ST6GALNAC5: variants seen among roughly 807,000 people sequenced by gnomAD.
ST6GALNAC5 encodes the protein ST6 N-acetylgalactosaminide alpha-2,6-sialyltransferase 5, also known as alpha-N-acetylgalactosaminide alpha-2,6-sialyltransferase 5.
In ST6GALNAC5, 27 loss-of-function variants were observed where a neutral mutation model predicts 33.6. That is an observed-to-expected ratio of 0.80 (90% CI 0.59 to 1.11). The LOEUF is 1.11. Ranked by LOEUF, ST6GALNAC5 falls within the 50% of genes least tolerant of loss-of-function variation. The pLI, the probability that ST6GALNAC5 is intolerant of heterozygous loss-of-function variation, is 0.00. For synonymous variants in ST6GALNAC5, 194 were observed against 171.2 expected (o/e 1.13, Z -1.04); for missense variants, 428 against 454.0 (o/e 0.94, Z 0.52).
At chr1:76,958,950 G>C (rs767098306) in intron 2 of ST6GALNAC5, among the ~76,000 whole-genome samples, 1 of 151,992 alleles carries the variant, frequency 6.6e-6, no homozygotes, top group Non-Finnish European at 1.5e-5. Flanking sequence ...TTTTCTTACC[G>C]GGAATGATTT....
In ST6GALNAC5 at chr1:76,989,202, C is replaced by T. The variant is rs191945925; in HGVS notation, c.262-55002C>T. 1.0e-3 allele frequency among the ~76,000 whole-genome samples: 152 copies of T among 152,210 alleles called. 1 individual carries two copies. Among genetic ancestry groups the T allele is most frequent in the African/African-American group, 3.6e-3 (151 of 41,568 alleles). On this transcript the variant is annotated intron_variant, in intron 2 of 4. Transcript: ENST00000477717. ...ATTCTATCACACCAACTTTGCCATTCTCAACCTCTGTGAATCTCCTGTGAT... is the reference window on the plus strand; with the variant it reads ...ATTCTATCACACCAACTTTGCCATTTTCAACCTCTGTGAATCTCCTGTGAT...
In ST6GALNAC5 at chr1:77,058,439, C is replaced by A. The variant is rs903600870; in HGVS notation, c.780-4536C>A. Reference sequence around the variant, plus strand: ...GGCGGGGCATGAGTGAGTTCTCACTCTATTTGCCCCCAACAGAGCTAGTTG... The same window carrying A: ...GGCGGGGCATGAGTGAGTTCTCACTATATTTGCCCCCAACAGAGCTAGTTG... On this transcript the variant is annotated intron_variant, in intron 4 of 4. Coordinates refer to ENST00000477717, the MANE Select transcript of ST6GALNAC5 (RefSeq NM_030965.3). Among the ~76,000 whole-genome samples, 43 of 152,286 alleles carry A rather than the reference C, an allele frequency of 2.8e-4. 1 individual carries two copies. The highest frequency in any genetic ancestry group is 5.8e-4 in the East Asian group (3 of 5,148).
chr1:76,942,708 T>C (rs1416912404), intron 2 of ST6GALNAC5, among the ~76,000 whole-genome samples: 3 of 152,088 alleles, frequency 2.0e-5, no homozygotes, highest in Non-Finnish European at 2.9e-5. Context: ...TCTCCCAGGC[T>C]GAATTAGATA....
chr1:76,953,705 C>A (rs1200166212), intron 2 of ST6GALNAC5, among the ~76,000 whole-genome samples: 1 of 152,046 alleles, frequency 6.6e-6, no homozygotes, highest in Non-Finnish European at 1.5e-5. Context: ...TTTTTGGTGT[C>A]ATGTCTAAGA....
rs548971704 is a variant in ST6GALNAC5, at chr1:76,879,241, C to A, written c.261+10499C>A. Among the ~76,000 whole-genome samples the A allele has an allele frequency of 2.0e-5, 3 of 152,278 alleles. No individual in the cohort carries two copies. In the South Asian group the frequency reaches 6.2e-4, roughly 32 times the overall value. On this transcript the variant is annotated intron_variant, in intron 2 of 4. Coordinates refer to ENST00000477717, the MANE Select transcript of ST6GALNAC5 (RefSeq NM_030965.3). ...TTCCTCTACATTAAACCAGGGGAGA[C>A]CAGGCATTTCCAGCTCACTCACAGT... is the stretch of plus-strand genomic sequence containing the variant.
At chr1:76,895,463 T>G (rs1309825141) in intron 2 of ST6GALNAC5, among the ~76,000 whole-genome samples, 1 of 152,130 alleles carries the variant, frequency 6.6e-6, no homozygotes, top group Non-Finnish European at 1.5e-5. Flanking sequence ...GAATTATTGG[T>G]GATGGCCTGG....
At chr1:76,925,737 A>G (rs145902068) in intron 2 of ST6GALNAC5, among the ~76,000 whole-genome samples, 1 of 152,296 alleles carries the variant, frequency 6.6e-6, no homozygotes, top group East Asian at 1.9e-4. Context: ...ATTAGTAAAT[A>G]TAAACATTTC....
At chr1:76,923,318 A>G (rs1192562992) in intron 2 of ST6GALNAC5, among the ~76,000 whole-genome samples, 2 of 151,694 alleles carry the variant, frequency 1.3e-5, no homozygotes, top group African/African-American at 4.8e-5. Flanking sequence ...TCAGGAACAG[A>G]GAATGGAGAC....
At position 76,992,000 on chromosome 1, in the gene ST6GALNAC5, T is replaced by G. The variant is rs542590795; in HGVS notation, c.262-52204T>G. 6.6e-5 allele frequency among the ~76,000 whole-genome samples: 10 copies of G among 152,312 alleles called. No individual in the cohort carries two copies. The South Asian group carries it at 2.1e-3, about 32-fold the overall frequency. On this transcript the variant is annotated intron_variant, in intron 2 of 4. Coordinates refer to ENST00000477717, the MANE Select transcript of ST6GALNAC5 (RefSeq NM_030965.3). ...AGAAATAAGTAAATATTTTTAAAAT[T>G]TCTTCAGTGTTTTCTACAATGAAAA...
intron 2 of ST6GALNAC5, among the ~76,000 whole-genome samples, chr1:76,909,075 A>T (rs1646888796): frequency 6.6e-6 from 1 of 152,152 alleles, no homozygotes; most frequent in Non-Finnish European, 1.5e-5. Flanking sequence ...GTTTCACAGT[A>T]AAAACTCTTC....
intron 2 of ST6GALNAC5, among the ~76,000 whole-genome samples, chr1:76,967,395 A>T (rs1340291648): frequency 2.6e-5 from 4 of 151,526 alleles, no homozygotes; most frequent in Non-Finnish European, 4.4e-5. Flanking sequence ...AGAGGTGTTC[A>T]TAGTATTCTT....
At chr1:76,885,007 A>G (rs768371738) in intron 2 of ST6GALNAC5, among the ~76,000 whole-genome samples, 1 of 152,178 alleles carries the variant, frequency 6.6e-6, no homozygotes. Context: ...GTAAAAGACC[A>G]TTCTTAGTAC....
intron 2 of ST6GALNAC5, among the ~76,000 whole-genome samples, chr1:76,991,723 CAT>C (rs1649736866): frequency 1.3e-5 from 2 of 152,104 alleles, no homozygotes; most frequent in African/African-American, 4.8e-5. Flanking sequence ...GCCCACAGAA[CAT>C]AGCTGCCAAC....
chr1:76,981,552 G>T (rs1011591339), intron 2 of ST6GALNAC5, among the ~76,000 whole-genome samples: 1 of 152,184 alleles, frequency 6.6e-6, no homozygotes, highest in Admixed American at 6.5e-5. Flanking sequence ...CCACCTCTGT[G>T]GGCAGGGCAT....
At chr1:77,035,611 G>A (rs761425380) in intron 2 of ST6GALNAC5, among the ~76,000 whole-genome samples, 13 of 152,106 alleles carry the variant, frequency 8.5e-5, no homozygotes, top group Non-Finnish European at 1.3e-4. Context: ...TAGGGTGGAG[G>A]GTGGGGCATA....
At chr1:76,886,305 C>CT (rs758019086) in intron 2 of ST6GALNAC5, among the ~76,000 whole-genome samples, 27 of 151,656 alleles carry the variant, frequency 1.8e-4, no homozygotes, top group Non-Finnish European at 3.2e-4. Flanking sequence ...TTCTTAGTTC[C>CT]TTTTTTTTGT....
chr1:77,061,988 G>A (rs1003534952), intron 4 of ST6GALNAC5, among the ~76,000 whole-genome samples: 3 of 152,126 alleles, frequency 2.0e-5, no homozygotes, highest in Admixed American at 6.6e-5. Flanking sequence ...AAGAAAAATC[G>A]TGGCCTCTTG....
At chr1:76,886,154 A>C (rs183447276) in intron 2 of ST6GALNAC5, among the ~76,000 whole-genome samples, 2 of 152,306 alleles carry the variant, frequency 1.3e-5, no homozygotes, top group African/African-American at 4.8e-5. Context: ...TGTCCTTCCT[A>C]AAAAGAAATT....
chr1:76,919,218 C>T (rs1399479889), intron 2 of ST6GALNAC5, among the ~76,000 whole-genome samples: 2 of 152,238 alleles, frequency 1.3e-5, no homozygotes, highest in South Asian at 2.1e-4. Flanking sequence ...GCCTCAGTAA[C>T]GTGAGGATTG....
Sources: gnomAD v4.1 joint callset for allele counts (sites outside exome capture counted in the v4.1 genomes callset) on GRCh38, gnomAD v4.1.1 for gene constraint, MANE v1.5 for transcripts, NCBI Gene and HGNC (gene_info 2026-07-23, HGNC 2026-07-21) for gene names.